The following CPLANE1 variants were observed in gnomAD, a reference collection of about 807,000 sequenced individuals.
CPLANE1 encodes ciliogenesis and planar polarity effector complex subunit 1.
In CPLANE1, 263 loss-of-function variants were observed where a neutral mutation model predicts 362.5. The observed-to-expected ratio is 0.73, with a 90% CI of 0.66 to 0.80. The LOEUF (loss-of-function observed/expected upper bound fraction) is 0.80. Ranked by LOEUF, CPLANE1 falls within the 30% of genes least tolerant of loss-of-function variation. The probability of loss-of-function intolerance (pLI) is 0.00; values close to 1 mark genes in which losing one functional copy is unlikely to be tolerated. For missense variants in CPLANE1, 3,461 were observed against 3,793.4 expected, an observed-to-expected ratio of 0.91 and a Z score of 2.30; for synonymous variants, 1,212 against 1,302.6, an observed-to-expected ratio of 0.93 and a Z score of 1.50.
rs370817612 is a variant in CPLANE1 at position 37,125,270 on chromosome 5, C to T, written c.8932G>A (p.Asp2978Asn). 1 of 1,613,862 alleles carries T rather than the reference C, an allele frequency of 6.2e-7. No individual in the cohort carries two copies. Among genetic ancestry groups the T allele is most frequent in the Non-Finnish European group, 8.5e-7 (1 of 1,179,938 alleles). The change falls in exon 47 of 53, where the codon GAT becomes AAT. Residue 2978 changes from aspartate to asparagine, a missense_variant. Transcript: ENST00000651892. ...ELAEKRGQEH[D>N]PFCPRSNPLY... is the part of the protein sequence containing the mutation. ...GGATTGCTTCTGGGACAGAAAGGAT[C>T]ATGTTCTTGCCCTCTCTTTTCTGCC...
At chr5:37,234,505 A>G (rs986501169) in intron 8 of CPLANE1, among the ~76,000 whole-genome samples, 4 of 126,238 alleles carry the variant, frequency 3.2e-5, no homozygotes, top group African/African-American at 1.4e-4. Flanking sequence ...CAAAAATAAG[A>G]AAAAAAAAAA....
chr5:37,180,752 A>G, intron 27 of CPLANE1, 105 bp downstream of exon 27: 1 of 1,064,622 alleles, frequency 9.4e-7, no homozygotes, highest in Non-Finnish European at 1.4e-6. Flanking sequence ...TACTTCAAAA[A>G]ATGCTCATTC....
rs1361349793 is a variant in CPLANE1, at chr5:37,234,514, A to AG, written c.939-3466_939-3465insC. Among the ~76,000 whole-genome samples, 8 of 151,918 alleles carry AG rather than the reference A, an allele frequency of 5.3e-5. No homozygotes were observed. In the South Asian group the frequency reaches 1.7e-3, roughly 31 times the overall value. Reference sequence around the variant, plus strand: ...GTCAGACAAAAATAAGAAAAAAAAAAAAAGAATGAACAAAGCCTTCAAGAG... The same window carrying AG: ...GTCAGACAAAAATAAGAAAAAAAAAAGAAAGAATGAACAAAGCCTTCAAGAG... On this transcript the variant is annotated intron_variant, in intron 8 of 52. Transcript: ENST00000651892.
chr5:37,137,613 A>T (rs1768124477), intron 46 of CPLANE1, among the ~76,000 whole-genome samples: 1 of 152,240 alleles, frequency 6.6e-6, no homozygotes, highest in Non-Finnish European at 1.5e-5. Context: ...CTCACAGTTC[A>T]GCATGGCTGG....
intron 41 of CPLANE1, among the ~76,000 whole-genome samples, chr5:37,154,736 C>G (rs1226430894): frequency 6.6e-6 from 1 of 152,124 alleles, no homozygotes; most frequent in Admixed American, 6.5e-5. Context: ...ACTCACTTCT[C>G]TACTCACTCT....
At chr5:37,235,244 TA>T (rs1413159538) in intron 8 of CPLANE1, among the ~76,000 whole-genome samples, 1 of 151,840 alleles carries the variant, frequency 6.6e-6, no homozygotes, top group Non-Finnish European at 1.5e-5. Context: ...CTACTAAAAA[TA>T]AAAGAAAATA....
At chr5:37,117,343 A>G (rs905840261) in intron 50 of CPLANE1, among the ~76,000 whole-genome samples, 1 of 150,964 alleles carries the variant, frequency 6.6e-6, no homozygotes, top group Non-Finnish European at 1.5e-5. Context: ...CAACAACAGG[A>G]CACCTGTTGT....
At chr5:37,116,488 A>AC (rs1761017119) in intron 50 of CPLANE1, among the ~76,000 whole-genome samples, 1 of 118,264 alleles carries the variant, frequency 8.5e-6, no homozygotes, top group African/African-American at 4.3e-5. Context: ...TCTGCCTCAA[A>AC]AAAAAAAAAA....
At chr5:37,115,174 C>T (rs567945871) in intron 50 of CPLANE1, 125 bp from the exon 51 acceptor site, 2 of 660,344 alleles carry the variant, frequency 3.0e-6, no homozygotes, top group Non-Finnish European at 5.2e-6. Context: ...GCCCTGTTCA[C>T]AGTAGGGGCC....
intron 9 of CPLANE1, among the ~76,000 whole-genome samples, chr5:37,230,437 C>T (rs977469566): frequency 2.6e-5 from 4 of 151,758 alleles, no homozygotes; most frequent in Non-Finnish European, 5.9e-5. Flanking sequence ...AAAACAACAA[C>T]AAAAATTAAA....
intron 34 of CPLANE1, 87 bp downstream of exon 34, chr5:37,168,704 G>T: frequency 9.2e-7 from 1 of 1,086,276 alleles, no homozygotes; most frequent in Non-Finnish European, 1.3e-6. Context: ...TTATGTACAA[G>T]AGCTTTTCAG....
At chr5:37,141,402 G>C in intron 44 of CPLANE1, 6 of 985,344 alleles carry the variant, frequency 6.1e-6, no homozygotes, top group Non-Finnish European at 7.2e-6. Flanking sequence ...AAGATTCTCA[G>C]ATGCTTTATA....
At chr5:37,138,097 G>C (rs774520140) in intron 46 of CPLANE1, among the ~76,000 whole-genome samples, 5 of 152,078 alleles carry the variant, frequency 3.3e-5, no homozygotes, top group Non-Finnish European at 7.4e-5. Flanking sequence ...GAATTTGTTA[G>C]TTTTCTGCTT....
At chr5:37,132,492 C>T (rs935353107) in intron 46 of CPLANE1, among the ~76,000 whole-genome samples, 11 of 151,870 alleles carry the variant, frequency 7.2e-5, no homozygotes, top group African/African-American at 2.4e-4. Context: ...CTACAGGCGC[C>T]CGCCACCACG....
the CPLANE1 span, among the ~76,000 whole-genome samples, chr5:37,093,249 C>T: frequency 2.0e-5 from 3 of 152,146 alleles, no homozygotes; most frequent in Admixed American, 2.0e-4. Context: ...TCTCTTATAG[C>T]AGGGTATAGA....
At position 37,208,685 on chromosome 5, in the gene CPLANE1, C is replaced by G. The variant is rs771880001; in HGVS notation, c.2921-2260G>C. ...GAGCAAGACTCTGTCTCCCCCCCCCCCCAAAAAAAAAAAAGAGTTCAGCTT... is the reference window on the plus strand; with the variant it reads ...GAGCAAGACTCTGTCTCCCCCCCCCGCCAAAAAAAAAAAAGAGTTCAGCTT... On this transcript the variant is annotated intron_variant, in intron 16 of 52. Transcript: ENST00000651892. Among the ~76,000 whole-genome samples, 411 of 122,350 alleles carry G rather than the reference C, an allele frequency of 3.4e-3. 1 individual carries two copies. Among genetic ancestry groups the G allele is most frequent in the Non-Finnish European group, 5.8e-3 (332 of 57,172 alleles). The allele number at this position is 122,350 out of a possible 152,430, so 80.3% of individuals were successfully genotyped here.
intron 15 of CPLANE1, among the ~76,000 whole-genome samples, chr5:37,215,739 CTTTTTTTT>C (rs567527656): frequency 3.2e-5 from 3 of 95,224 alleles, no homozygotes; most frequent in African/African-American, 7.9e-5. Context: ...CTTCTCTTTC[CTTTTTTTT>C]TTTTTTTTTT....
In CPLANE1 at chr5:37,173,012, A is replaced by T. The variant is rs559913769; in HGVS notation, c.6171+743T>A. Among the ~76,000 whole-genome samples the T allele has an allele frequency of 9.2e-5, 14 of 152,350 alleles. No homozygotes were observed. The South Asian group carries it at 1.4e-3, about 16-fold the overall frequency. ...AAATAAAAATATAAAAAAAATTTTT[A>T]AAAAGAAAATTAGTGCCGAGAATCA... On this transcript the variant is annotated intron_variant, in intron 32 of 52. Transcript: ENST00000651892.
intron 14 of CPLANE1, 145 bp from the exon 15 acceptor site, chr5:37,221,633 C>T: frequency 2.2e-6 from 1 of 457,310 alleles, no homozygotes; most frequent in South Asian, 8.3e-5. Context: ...ATCTGTTTCA[C>T]ACTTCAATAA....
Sources: gnomAD v4.1 joint callset for allele counts (sites outside exome capture counted in the v4.1 genomes callset) on GRCh38, gnomAD v4.1.1 for gene constraint, MANE v1.5 for transcripts, NCBI Gene and HGNC (gene_info 2026-07-23, HGNC 2026-07-21) for gene names.